The following MLIP variants were observed in gnomAD, a reference collection of about 807,000 sequenced individuals.
MLIP encodes the protein muscular LMNA-interacting protein.
MLIP carries 79 observed loss-of-function variants against 84.8 expected under a neutral mutation model. That is an observed-to-expected ratio of 0.93 (90% CI 0.78 to 1.12). The LOEUF is 1.12. Ranked by LOEUF, MLIP falls within the 50% of genes most tolerant of loss-of-function variation. The pLI is 0.00. For synonymous variants in MLIP, 504 were observed against 463.0 expected (o/e 1.09, Z -1.14); for missense variants, 1,257 against 1,160.6 (o/e 1.08, Z -1.21).
chr6:54,182,149 G>A (rs1323030244), intron 9 of MLIP, among the ~76,000 whole-genome samples: 1 of 152,122 alleles, frequency 6.6e-6, no homozygotes, highest in Non-Finnish European at 1.5e-5. Flanking sequence ...GAGCACTTTT[G>A]CCTATGGTGG....
intron 8 of MLIP, among the ~76,000 whole-genome samples, chr6:54,164,831 A>G (rs1324387070): frequency 2.6e-5 from 4 of 151,394 alleles, no homozygotes; most frequent in Non-Finnish European, 3.0e-5. Flanking sequence ...CACTGTGTGG[A>G]TGTTCCATCC....
intron 4 of MLIP, among the ~76,000 whole-genome samples, chr6:54,144,362 C>T (rs1017559743): frequency 6.6e-6 from 1 of 152,162 alleles, no homozygotes; most frequent in African/African-American, 2.4e-5. Flanking sequence ...GTTTCCTCAT[C>T]CTATTGTTTA....
At chr6:54,106,781 C>T (rs1454724193), upstream of MLIP, among the ~76,000 whole-genome samples, 1 of 152,094 alleles carries the variant, frequency 6.6e-6, no homozygotes, top group Non-Finnish European at 1.5e-5. Flanking sequence ...TGAGATGTTC[C>T]AATAATGATG....
At chr6:54,122,834 A>T (rs1199261492) in intron 2 of MLIP, among the ~76,000 whole-genome samples, 1 of 152,166 alleles carries the variant, frequency 6.6e-6, no homozygotes, top group Non-Finnish European at 1.5e-5. Flanking sequence ...TTATCTGCTG[A>T]TTGCAATGAT....
intron 9 of MLIP, among the ~76,000 whole-genome samples, chr6:54,170,631 G>A (rs1453825336): frequency 6.6e-6 from 1 of 151,364 alleles, no homozygotes; most frequent in Non-Finnish European, 1.5e-5. Flanking sequence ...TCTGATTCTG[G>A]GAAAATTACT....
rs113244838 is a variant in MLIP, at chr6:54,264,927, G to T, written c.2977-1023G>T. 2.5e-3 allele frequency among the ~76,000 whole-genome samples: 374 copies of T among 152,068 alleles called. 4 individuals are homozygous for T. The highest frequency in any genetic ancestry group is 8.7e-3 in the African/African-American group (360 of 41,494). On this transcript the variant is annotated intron_variant, in intron 13 of 13. Coordinates refer to ENST00000502396, the MANE Select transcript of MLIP (RefSeq NM_001281747.2). ...CTAAAATATACTTTCTCATAATAATGCAGAATGTAACCGCGATTCACAATC... is the reference window on the plus strand; with the variant it reads ...CTAAAATATACTTTCTCATAATAATTCAGAATGTAACCGCGATTCACAATC...
At chr6:54,047,541 T>C (rs1177401597) in intron 1 of MLIP, 2 of 152,302 alleles carry the variant, frequency 1.3e-5, no homozygotes, top group Admixed American at 6.5e-5. Context: ...AAAACTATGA[T>C]GGCAGAGAGT....
intron 1 of MLIP, among the ~76,000 whole-genome samples, chr6:54,104,549 C>T (rs969230153): frequency 2.0e-5 from 3 of 152,264 alleles, no homozygotes; most frequent in Middle Eastern, 3.4e-3. Context: ...TGTGCAACTG[C>T]TGTTAGCACA....
At chr6:54,197,898 A>C (rs1034137145) in intron 10 of MLIP, among the ~76,000 whole-genome samples, 2 of 152,112 alleles carry the variant, frequency 1.3e-5, no homozygotes, top group Non-Finnish European at 2.9e-5. Flanking sequence ...AATTGTTCAG[A>C]ATTAGAGAAG....
chr6:54,124,811 C>T lies in MLIP; in HGVS notation c.591C>T (p.Thr197=), dbSNP rs1347085868. 3 of 1,612,262 alleles carry T rather than the reference C, an allele frequency of 1.9e-6. No individual in the cohort carries two copies. The highest frequency in any genetic ancestry group is 2.7e-5 in the African/African-American group (2 of 74,816). The change falls in exon 3 of 14, where the codon ACC becomes ACT. Residue 197 remains threonine (T), a synonymous_variant. Transcript: ENST00000502396. ...AAACACAGGGGACTGATCTCAAGAC[C>T]TCATCACATCCTGAAATGCTTCATG... ...RPKTQGTDLK[T]SSHPEMLHGM... is the part of the protein sequence containing the mutation.
intron 4 of MLIP, among the ~76,000 whole-genome samples, chr6:54,148,603 G>A (rs750275183): frequency 1.2e-4 from 18 of 152,040 alleles, no homozygotes; most frequent in South Asian, 8.3e-4. Context: ...CTGTTTTTAC[G>A]GATGATGCAA....
chr6:54,154,444 G>A (rs1165952357), intron 5 of MLIP, among the ~76,000 whole-genome samples: 6 of 152,178 alleles, frequency 3.9e-5, no homozygotes, highest in Admixed American at 2.6e-4. Context: ...AAAGGCTGCC[G>A]TATTGAATAC....
chr6:54,175,199 C>G (rs1354817945), intron 9 of MLIP, among the ~76,000 whole-genome samples: 1 of 151,312 alleles, frequency 6.6e-6, no homozygotes, highest in African/African-American at 2.4e-5. Flanking sequence ...AGTTTTGTTC[C>G]TTTTTCTCGG....
chr6:54,037,893 A>C (rs1435406353), intron 1 of MLIP, among the ~76,000 whole-genome samples: 1 of 151,944 alleles, frequency 6.6e-6, no homozygotes, highest in Non-Finnish European at 1.5e-5. Context: ...AGTGAACCTG[A>C]AATTTGTTAG....
At chr6:54,249,416 A>G (rs192386139) in intron 12 of MLIP, among the ~76,000 whole-genome samples, 2 of 152,142 alleles carry the variant, frequency 1.3e-5, no homozygotes, top group Admixed American at 6.6e-5. Context: ...GTTGTAATAT[A>G]TTTTTGATAT....
chr6:54,040,862 AACAGGT>A (rs1430935544), intron 1 of MLIP, among the ~76,000 whole-genome samples: 6 of 152,116 alleles, frequency 3.9e-5, no homozygotes, highest in Non-Finnish European at 1.5e-5. Flanking sequence ...GGAAATAAAG[AACAGGT>A]ACACATGGAC....
chr6:54,032,950 C>G (rs1334955442), intron 1 of MLIP, among the ~76,000 whole-genome samples: 3 of 152,182 alleles, frequency 2.0e-5, no homozygotes, highest in Non-Finnish European at 4.4e-5. Context: ...TTTCTTATTA[C>G]TCAGATTGTA....
chr6:54,052,965 C>T (rs1033360451), intron 1 of MLIP, among the ~76,000 whole-genome samples: 4 of 152,118 alleles, frequency 2.6e-5, no homozygotes, highest in Admixed American at 2.6e-4. Context: ...AAATTGTTGG[C>T]TCAGTCTGAA....
chr6:54,116,515 G>A (rs1769935102), intron 1 of MLIP, among the ~76,000 whole-genome samples: 2 of 151,964 alleles, frequency 1.3e-5, no homozygotes, highest in Admixed American at 6.6e-5. Flanking sequence ...ATAAACTCTT[G>A]GACACATACA....
Sources: gnomAD v4.1 joint callset for allele counts (sites outside exome capture counted in the v4.1 genomes callset) on GRCh38, gnomAD v4.1.1 for gene constraint, MANE v1.5 for transcripts, NCBI Gene and HGNC (gene_info 2026-07-23, HGNC 2026-07-21) for gene names.